NRP2: variants seen among roughly 807,000 people sequenced by gnomAD.
NRP2 encodes neuropilin-2.
NRP2 carries 52 observed loss-of-function variants against 110.4 expected under a neutral mutation model. The observed-to-expected ratio is 0.47, with a 90% CI of 0.38 to 0.59. The LOEUF is 0.59. Ranked by LOEUF, NRP2 falls within the 20% of genes least tolerant of loss-of-function variation. The pLI is 0.00. For missense variants in NRP2, 1,049 were observed against 1,203.0 expected, an observed-to-expected ratio of 0.87 and a Z score of 1.89; for synonymous variants, 508 against 468.9, an observed-to-expected ratio of 1.08 and a Z score of -1.08.
chr2:205,753,196 G>A (rs187725690), intron 12 of NRP2, among the ~76,000 whole-genome samples: 18 of 152,352 alleles, frequency 1.2e-4, no homozygotes, highest in African/African-American at 4.3e-4. Flanking sequence ...CTGGAAGCTG[G>A]GAGGGAGAAG....
At chr2:205,710,019 T>C (rs1161410864) in intron 2 of NRP2, among the ~76,000 whole-genome samples, 1 of 152,228 alleles carries the variant, frequency 6.6e-6, no homozygotes, top group Non-Finnish European at 1.5e-5. Context: ...TGGTGATTTG[T>C]CTATTAATTT....
chr2:205,765,355 CACACACACACACAT>C (rs1402597723), intron 13 of NRP2, 105 bp from the exon 14 acceptor site: 4 of 826,678 alleles, frequency 4.8e-6, no homozygotes, highest in African/African-American at 1.7e-5. Context: ...CAATAACACA[CACACACACACACAT>C]ACACACACAC....
chr2:205,787,705 TA>T (rs3834159), intron 15 of NRP2, among the ~76,000 whole-genome samples: 2 of 143,302 alleles, frequency 1.4e-5, no homozygotes, highest in African/African-American at 5.1e-5. Flanking sequence ...AGAGGAAAGA[TA>T]AAAAAAAGTG....
At chr2:205,765,367 C>CAT (rs397689991) in intron 13 of NRP2, 107 bp from the exon 14 acceptor site, 4 of 873,712 alleles carry the variant, frequency 4.6e-6, no homozygotes, top group Middle Eastern at 2.2e-4. Flanking sequence ...CACACACACA[C>CAT]ATACACACAC....
intron 3 of NRP2, chr2:205,722,240 A>G: frequency 1.8e-6 from 1 of 552,192 alleles, no homozygotes; most frequent in Middle Eastern, 5.1e-4. Context: ...CCACTCCCCA[A>G]TTCCTCAATT....
At chr2:205,786,529 T>C (rs955236650) in intron 15 of NRP2, among the ~76,000 whole-genome samples, 1 of 152,200 alleles carries the variant, frequency 6.6e-6, no homozygotes, top group African/African-American at 2.4e-5. Context: ...CAATGACTTA[T>C]TGCACTTCTC....
At chr2:205,767,057 A>G in intron 15 of NRP2, 1 of 565,722 alleles carries the variant, frequency 1.8e-6, no homozygotes, top group South Asian at 2.1e-5. Flanking sequence ...TTACAGATAA[A>G]CCTTTCAGCC....
At chr2:205,792,792 A>G (rs536397305) in intron 16 of NRP2, among the ~76,000 whole-genome samples, 3 of 152,200 alleles carry the variant, frequency 2.0e-5, no homozygotes, top group Non-Finnish European at 4.4e-5. Flanking sequence ...TCGTATCTTT[A>G]TATTTATTCC....
At position 205,763,780 on chromosome 2, in the gene NRP2, G is replaced by C; in HGVS notation, c.2151G>C (p.Glu717Asp). ...VHLPRSPVCM[E>D]FQYQATGGRG... ...TGCCCCGAAGCCCGGTGTGCATGGAGTTCCAGTACCAGGCCACGGGCGGCC... is the reference window on the plus strand; with the variant it reads ...TGCCCCGAAGCCCGGTGTGCATGGACTTCCAGTACCAGGCCACGGGCGGCC... Residue 717 changes from glutamate (E) to aspartate (D), a missense_variant, in exon 13 of 17, where the codon GAG (glutamate) becomes GAC (aspartate). Glu to Asp is a conservative substitution (Grantham distance 45). Coordinates refer to ENST00000357785, the MANE Select transcript of NRP2 (RefSeq NM_003872.3). The surrounding 1 kb of genome is among the most constrained non-coding windows in gnomAD (Gnocchi z 4.0). 2 of 1,614,228 alleles carry C rather than the reference G, an allele frequency of 1.2e-6. No individual in the cohort carries two copies. Among genetic ancestry groups the C allele is most frequent in the Non-Finnish European group, 1.7e-6 (2 of 1,180,038 alleles).
intron 1 of NRP2, among the ~76,000 whole-genome samples, chr2:205,688,878 C>T (rs1009550799): frequency 1.3e-5 from 2 of 151,706 alleles, no homozygotes; most frequent in African/African-American, 4.8e-5. Context: ...AACAAAAAAA[C>T]CCTTCGATGT....
intron 12 of NRP2, among the ~76,000 whole-genome samples, chr2:205,755,857 G>T (rs1179535551): frequency 6.6e-6 from 1 of 152,172 alleles, no homozygotes; most frequent in Non-Finnish European, 1.5e-5. Flanking sequence ...TAAGAAAGGA[G>T]GTGTCTCTGT....
intron 15 of NRP2, among the ~76,000 whole-genome samples, chr2:205,783,985 G>C (rs1457580581): frequency 4.9e-5 from 4 of 82,054 alleles, no homozygotes; most frequent in Non-Finnish European, 7.5e-5. Context: ...GGATGAACTA[G>C]AGTGCATCTC....
intron 15 of NRP2, chr2:205,776,869 T>G: frequency 8.2e-7 from 1 of 1,225,440 alleles, no homozygotes; most frequent in Non-Finnish European, 1.0e-6. Context: ...CCTTGCCTTA[T>G]CCCATACCTC....
At position 205,683,299 on chromosome 2, in the gene NRP2, G is replaced by A. The variant is rs760815935; in HGVS notation, c.9G>A (p.Met3Ile). ...GAGCCACCTTCTCCAAAATGGATAT[G>A]TTTCCTCTCACCTGGGTTTTCTTAG... MD[M>I]FPLTWVFLAL... The change falls in exon 1 of 17, where the codon ATG (methionine) becomes ATA (isoleucine). Residue 3 changes from methionine to isoleucine, a missense_variant. Transcript: ENST00000357785. 21 of 1,613,408 alleles carry A rather than the reference G, an allele frequency of 1.3e-5. No individual in the cohort carries two copies. The highest frequency in any genetic ancestry group is 3.3e-4 in the Middle Eastern group (2 of 6,084).
chr2:205,766,789 T>C lies in NRP2; in HGVS notation c.2411T>C (p.Ile804Thr). The change falls in exon 15 of 17, where the codon ATC (isoleucine) becomes ACC (threonine). Residue 804 changes from isoleucine (I) to threonine (T), a missense_variant. Coordinates refer to ENST00000357785, the MANE Select transcript of NRP2 (RefSeq NM_003872.3). Reference protein sequence around the residue: ...DVPLENCMEPISAFAVDIPEI... With the variant: ...DVPLENCMEPTSAFAVDIPEI... ...TTTTGTTTGTTTTTTTCAGAACCCA[T>C]CTCGGCTTTTGCAGGTGAGAATTTT... 1 of 1,613,248 alleles carries C rather than the reference T, an allele frequency of 6.2e-7. No homozygotes were observed. Among genetic ancestry groups the C allele is most frequent in the Non-Finnish European group, 8.5e-7 (1 of 1,179,952 alleles).
chr2:205,753,206 G>C (rs926027431), intron 12 of NRP2, among the ~76,000 whole-genome samples: 1 of 152,184 alleles, frequency 6.6e-6, no homozygotes, highest in Non-Finnish European at 1.5e-5. Flanking sequence ...GGAGGGAGAA[G>C]CGGAAGCCAA....
chr2:205,745,763 G>T lies in NRP2; in HGVS notation c.1659G>T (p.Met553Ile), dbSNP rs778552102. 1 of 1,614,216 alleles carries T rather than the reference G, an allele frequency of 6.2e-7. No individual in the cohort carries two copies. Among genetic ancestry groups the T allele is most frequent in the Non-Finnish European group, 8.5e-7 (1 of 1,180,034 alleles). The change falls in exon 10 of 17, where the codon ATG becomes ATT. Residue 553 changes from methionine (M) to isoleucine (I), a missense_variant. Transcript: ENST00000357785. ...TQQPKLFEGN[M>I]HYDTPDIRRF... Reference sequence around the variant, plus strand: ...CCCTGCAGCTGTTCGAAGGGAACATGCACTATGACACCCCTGACATCCGAA... The same window carrying T: ...CCCTGCAGCTGTTCGAAGGGAACATTCACTATGACACCCCTGACATCCGAA...
chr2:205,698,899 C>T (rs1160876301), intron 2 of NRP2, among the ~76,000 whole-genome samples: 1 of 152,212 alleles, frequency 6.6e-6, no homozygotes, highest in Non-Finnish European at 1.5e-5. Context: ...AGGCAAAACT[C>T]CTACAGGCCA....
At chr2:205,713,708 G>A (rs1186525074) in intron 2 of NRP2, among the ~76,000 whole-genome samples, 3 of 152,184 alleles carry the variant, frequency 2.0e-5, no homozygotes, top group Non-Finnish European at 2.9e-5. Flanking sequence ...TGTAGCAGGA[G>A]AGTATTCCAT....
Sources: gnomAD v4.1 joint callset for allele counts (sites outside exome capture counted in the v4.1 genomes callset) on GRCh38, gnomAD v4.1.1 for gene constraint, Gnocchi (gnomAD v3.1) non-coding constraint, MANE v1.5 for transcripts, NCBI Gene and HGNC (gene_info 2026-07-23, HGNC 2026-07-21) for gene names.